PLGRKT: variants seen among roughly 807,000 people sequenced by gnomAD.
PLGRKT encodes the protein plasminogen receptor with a C-terminal lysine.
In PLGRKT, 22 loss-of-function variants were observed where a neutral mutation model predicts 18.5. That is an observed-to-expected ratio of 1.19 (90% confidence interval 0.85 to 1.70). The LOEUF is 1.70. PLGRKT is among the 40% of genes most tolerant of loss of function. The pLI, the probability that PLGRKT is intolerant of heterozygous loss-of-function variation, is 0.00. For missense variants in PLGRKT, 235 were observed against 174.4 expected, an observed-to-expected ratio of 1.35 and a Z score of -1.96; for synonymous variants, 72 against 52.8, an observed-to-expected ratio of 1.36 and a Z score of -1.58.
At chr9:5,429,425 C>A (rs1818771127) in intron 3 of PLGRKT, among the ~76,000 whole-genome samples, 1 of 152,186 alleles carries the variant, frequency 6.6e-6, no homozygotes, top group Admixed American at 6.5e-5. Flanking sequence ...ACGGCTTAAG[C>A]AACAGAAATT....
At chr9:5,384,425 G>A (rs937994148) in intron 3 of PLGRKT, among the ~76,000 whole-genome samples, 1 of 152,144 alleles carries the variant, frequency 6.6e-6, no homozygotes, top group African/African-American at 2.4e-5. Context: ...GAAAAAGTCA[G>A]TAGTGCATGC....
chr9:5,416,086 T>G lies in PLGRKT; in HGVS notation c.81+15811A>C, dbSNP rs566237793. On this transcript the variant is annotated intron_variant, in intron 3 of 5. Coordinates refer to ENST00000223864, the MANE Select transcript of PLGRKT (RefSeq NM_018465.4). ...AAAGGATATACTTGAACTCTCCATG[T>G]TTTGCACCTTTTCTGCAAATCTAAA... is the stretch of plus-strand genomic sequence containing the variant. Among the ~76,000 whole-genome samples, 64 of 152,308 alleles carry G rather than the reference T, an allele frequency of 4.2e-4. 3 individuals are homozygous for G. The South Asian group carries it at 0.013, about 31-fold the overall frequency.
chr9:5,432,434 TAAG>T (rs767260803), intron 2 of PLGRKT, among the ~76,000 whole-genome samples: 2 of 152,232 alleles, frequency 1.3e-5, no homozygotes, highest in Non-Finnish European at 2.9e-5. Context: ...TTGTGCGTCT[TAAG>T]AACATATTTC....
In PLGRKT at chr9:5,371,986, C is replaced by CTTT. The variant is rs71326158; in HGVS notation, c.82-10101_82-10099dup. ...CTGCAAAAAACAATATCAGAAAATC[C>CTTT]TTTTTTTTTTTTTGATATGGAGTCT... On this transcript the variant is annotated intron_variant, in intron 3 of 5. Coordinates refer to ENST00000223864, the MANE Select transcript of PLGRKT (RefSeq NM_018465.4). Among the ~76,000 whole-genome samples the CTTT allele has an allele frequency of 2.6e-4, 23 of 89,130 alleles. 5 individuals carry two copies. Among genetic ancestry groups the CTTT allele is most frequent in the African/African-American group, 8.2e-4 (16 of 19,534 alleles). The allele number at this position is 89,130 out of a possible 152,430, so 58.5% of individuals were successfully genotyped here. A position where few individuals can be genotyped will look rare whatever the true frequency, so the allele number is the denominator to read the frequency against.
intron 2 of PLGRKT, among the ~76,000 whole-genome samples, chr9:5,435,335 A>AG (rs1818938713): frequency 6.6e-6 from 1 of 150,474 alleles, no homozygotes; most frequent in African/African-American, 2.5e-5. Flanking sequence ...AAAAAAAAAA[A>AG]AAAGAAGAAG....
intron 3 of PLGRKT, among the ~76,000 whole-genome samples, chr9:5,379,884 A>C (rs1438114950): frequency 6.6e-6 from 1 of 152,220 alleles, no homozygotes; most frequent in African/African-American, 2.4e-5. Context: ...TTTTCTCCCC[A>C]ATAATTTCAT....
At position 5,381,688 on chromosome 9, in the gene PLGRKT, G is replaced by A. The variant is rs373258393; in HGVS notation, c.82-19800C>T. Among the ~76,000 whole-genome samples the A allele has an allele frequency of 4.6e-3, 703 of 152,294 alleles. 8 individuals carry two copies. Among genetic ancestry groups the A allele is most frequent in the African/African-American group, 0.016 (673 of 41,560 alleles). ...AGAGATCTAAAACACGCTTTAAAAG[G>A]GGTCACCTCTTGGGAGGAGATGAGA... On this transcript the variant is annotated intron_variant, in intron 3 of 5. Coordinates refer to ENST00000223864, the MANE Select transcript of PLGRKT (RefSeq NM_018465.4).
At chr9:5,358,779 C>A (rs1275100782) in intron 5 of PLGRKT, among the ~76,000 whole-genome samples, 1 of 152,180 alleles carries the variant, frequency 6.6e-6, no homozygotes, top group Non-Finnish European at 1.5e-5. Context: ...AGCTAATCTT[C>A]AACCTGACAT....
At position 5,429,120 on chromosome 9, in the gene PLGRKT, T is replaced by G. The variant is rs61573891; in HGVS notation, c.81+2777A>C. 9.2e-5 allele frequency among the ~76,000 whole-genome samples: 14 copies of G among 152,322 alleles called. No homozygotes were observed. In the East Asian group the frequency reaches 2.7e-3, roughly 29 times the overall value. On this transcript the variant is annotated intron_variant, in intron 3 of 5. Coordinates refer to ENST00000223864, the MANE Select transcript of PLGRKT (RefSeq NM_018465.4). ...CCTTTATAGCCAATTCAAGATACTG[T>G]GATGTGTGTCAACACTCTCCCTACC...
chr9:5,397,303 C>A (rs1024310439), intron 3 of PLGRKT, among the ~76,000 whole-genome samples: 4 of 151,932 alleles, frequency 2.6e-5, no homozygotes, highest in Non-Finnish European at 5.9e-5. Context: ...TTTATTCACG[C>A]TTCTATTCAA....
intron 3 of PLGRKT, among the ~76,000 whole-genome samples, chr9:5,368,237 A>C (rs1430524859): frequency 2.0e-5 from 3 of 152,234 alleles, no homozygotes; most frequent in Non-Finnish European, 2.9e-5. Flanking sequence ...CTGGGTATAT[A>C]TCCAAAAGAA....
intron 3 of PLGRKT, among the ~76,000 whole-genome samples, chr9:5,411,376 C>T (rs559783381): frequency 6.9e-6 from 1 of 145,772 alleles, no homozygotes; most frequent in African/African-American, 2.6e-5. Context: ...CAGAGCAAGA[C>T]CCTGTTTCAA....
At chr9:5,378,514 C>CA (rs1297026100) in intron 3 of PLGRKT, among the ~76,000 whole-genome samples, 1 of 152,130 alleles carries the variant, frequency 6.6e-6, no homozygotes, top group Non-Finnish European at 1.5e-5. Context: ...CAAAATTAGA[C>CA]AAAAAACTAG....
chr9:5,416,838 A>G (rs111680325), intron 3 of PLGRKT, among the ~76,000 whole-genome samples: 1 of 152,228 alleles, frequency 6.6e-6, no homozygotes, highest in Non-Finnish European at 1.5e-5. Context: ...CCTTTGTAGA[A>G]AAGTGCCTGT....
chr9:5,438,232 G>A (rs1413366648), upstream of PLGRKT, among the ~76,000 whole-genome samples: 2 of 152,120 alleles, frequency 1.3e-5, no homozygotes, highest in Non-Finnish European at 2.9e-5. Context: ...TTTGAACAGA[G>A]CCGTCTTTCT....
At position 5,433,213 on chromosome 9, in the gene PLGRKT, T is replaced by C. The variant is rs555387303; in HGVS notation, c.-6-1230A>G. On this transcript the variant is annotated intron_variant, in intron 2 of 5. Transcript: ENST00000223864. Reference sequence around the variant, plus strand: ...CACCCCGTCTAGGAAGTGAGGAGCATCTCTGCCTGGCCGCCCATCGTCTGG... The same window carrying C: ...CACCCCGTCTAGGAAGTGAGGAGCACCTCTGCCTGGCCGCCCATCGTCTGG... Among the ~76,000 whole-genome samples the C allele has an allele frequency of 2.3e-3, 288 of 123,206 alleles. 2 individuals carry two copies. Among genetic ancestry groups the C allele is most frequent in the African/African-American group, 8.0e-3 (252 of 31,504 alleles). 80.8% of individuals were successfully genotyped at this position (123,206 alleles called of 152,430 possible).
intron 3 of PLGRKT, among the ~76,000 whole-genome samples, chr9:5,375,355 T>G (rs1817607870): frequency 6.6e-6 from 1 of 152,166 alleles, no homozygotes; most frequent in South Asian, 2.1e-4. Context: ...AATGACAGGA[T>G]GGTGGAAAGG....
chr9:5,361,824 C>G lies in PLGRKT; in HGVS notation c.146G>C (p.Trp49Ser), dbSNP rs143233000. ...RERQMAMQIA[W>S]SREFLKYFGT... ...AAAATATTTGAGGAATTCCCGAGAC[C>G]ACGCAATCTGCATGGCCATTTGTCT... Residue 49 changes from tryptophan (W) to serine (S), a missense_variant, in exon 4 of 6, where the codon TGG becomes TCG. By Grantham distance (177) the Trp-to-Ser change is radical. Transcript: ENST00000223864. The G allele has an allele frequency of 1.1e-4, 177 of 1,613,098 alleles. No homozygotes were observed. The African/African-American group carries it at 2.2e-3, about 20-fold the overall frequency.
chr9:5,403,637 T>C (rs1818199726), intron 3 of PLGRKT, among the ~76,000 whole-genome samples: 1 of 152,262 alleles, frequency 6.6e-6, no homozygotes, highest in African/African-American at 2.4e-5. Context: ...ATCACCGTAT[T>C]AACCAGAAGT....
Sources: gnomAD v4.1 joint callset for allele counts (sites outside exome capture counted in the v4.1 genomes callset) on GRCh38, gnomAD v4.1.1 for gene constraint, MANE v1.5 for transcripts, NCBI Gene and HGNC (gene_info 2026-07-23, HGNC 2026-07-21) for gene names.